Variants in AEBP2 observed in about 807,000 individuals in gnomAD.
The protein encoded by AEBP2 is AE binding protein 2.
In AEBP2, 10 loss-of-function variants were observed where a neutral mutation model predicts 50.8. That is an observed-to-expected ratio of 0.20 (90% CI 0.12 to 0.33). The LOEUF (loss-of-function observed/expected upper bound fraction) is 0.33. AEBP2 is among the 10% of genes least tolerant of loss of function. The pLI is 1.00. For synonymous variants in AEBP2, 296 were observed against 261.3 expected (o/e 1.13, Z -1.28); for missense variants, 570 against 688.0 (o/e 0.83, Z 1.92).
At chr12:19,516,071 C>T (rs1444240028) in intron 7 of AEBP2, among the ~76,000 whole-genome samples, 7 of 152,064 alleles carry the variant, frequency 4.6e-5, no homozygotes, top group Non-Finnish European at 8.8e-5. Context: ...GCTGACAGAG[C>T]GAGAACCTGT....
chr12:19,487,339 T>C (rs1948823792), intron 3 of AEBP2, among the ~76,000 whole-genome samples: 1 of 152,280 alleles, frequency 6.6e-6, no homozygotes, highest in Non-Finnish European at 1.5e-5. Context: ...TTAAGGTTAC[T>C]GTAGTTCAGT....
intron 3 of AEBP2, among the ~76,000 whole-genome samples, chr12:19,484,616 G>T (rs1238405235): frequency 6.6e-6 from 1 of 151,908 alleles, no homozygotes; most frequent in Non-Finnish European, 1.5e-5. Context: ...CTCGTGATCC[G>T]CCCGCCTTGG....
At chr12:19,457,118 C>A (rs748506079) in intron 1 of AEBP2, 59 of 1,599,984 alleles carry the variant, frequency 3.7e-5, no homozygotes, top group Non-Finnish European at 4.8e-5. Context: ...GTGTTGACTT[C>A]CTTAACAATT....
At chr12:19,508,632 T>G (rs142615599) in intron 5 of AEBP2, among the ~76,000 whole-genome samples, 1 of 152,222 alleles carries the variant, frequency 6.6e-6, no homozygotes, top group Non-Finnish European at 1.5e-5. Context: ...AAGGAAAATA[T>G]ATTGCTTTTC....
rs1947927431 is a variant in AEBP2 at position 19,440,272 on chromosome 12, T to G, written c.573T>G (p.Thr191=). The change falls in exon 1 of 8, where the codon ACT becomes ACG. Residue 191 remains threonine (T), a synonymous_variant. Coordinates refer to ENST00000266508, the MANE Select transcript of AEBP2 (RefSeq NM_153207.5). ...VSSGGDEGYG[T]GGGGSSATSG... ...GCGGCGGCGACGAGGGCTACGGGAC[T>G]GGGGGAGGCGGAAGCAGCGCGACCT... The G allele has an allele frequency of 3.4e-6, 5 of 1,464,030 alleles. No homozygotes were observed. The South Asian group carries it at 4.2e-5, about 12-fold the overall frequency. 90.7% of individuals were successfully genotyped at this position (1,464,030 alleles called of 1,614,324 possible).
intron 2 of AEBP2, among the ~76,000 whole-genome samples, chr12:19,470,974 G>A (rs954373878): frequency 4.6e-5 from 7 of 150,550 alleles, no homozygotes; most frequent in Admixed American, 3.3e-4. Flanking sequence ...AAGTAATTGC[G>A]TTTTTTTTCA....
At chr12:19,489,651 TC>T (rs1291186006) in intron 3 of AEBP2, among the ~76,000 whole-genome samples, 1 of 152,196 alleles carries the variant, frequency 6.6e-6, no homozygotes, top group Admixed American at 6.5e-5. Flanking sequence ...AAAACCATAC[TC>T]AGCAACATGA....
chr12:19,512,537 A>AATC lies in AEBP2; in HGVS notation c.1367+72_1367+73insATC, dbSNP rs528027928. 2.3e-4 allele frequency: 221 copies of AATC among 963,062 alleles called. 1 individual carries two copies. In the African/African-American group the frequency reaches 3.3e-3, roughly 14 times the overall value. The allele number at this position is 963,062 out of a possible 1,614,324, so 59.7% of individuals were successfully genotyped here. A position where few individuals can be genotyped will look rare whatever the true frequency, so the allele number is the denominator to read the frequency against. Reference sequence around the variant, plus strand: ...TTTTGTTAAAATCTTACACACAAAAATTATTTATTAAATTCAAATAAAAAG... The same window carrying AATC: ...TTTTGTTAAAATCTTACACACAAAAAATCTTATTTATTAAATTCAAATAAAAAG... On this transcript the variant is annotated intron_variant, in intron 6 of 7. Transcript: ENST00000266508.
chr12:19,407,467 T>A (rs2095736946), intron 1 of AEBP2, among the ~76,000 whole-genome samples: 1 of 151,844 alleles, frequency 6.6e-6, no homozygotes, highest in African/African-American at 2.4e-5. Flanking sequence ...CCATGCCCAG[T>A]TAATTTCTGT....
chr12:19,439,816 G>A lies in AEBP2; in HGVS notation c.117G>A (p.Glu39=). ...GCCGGGCTGAGCCCCCCGAGGAGGAGGAGGAAGAGGAGGAGGAGGAAGAGG... is the reference window on the plus strand; with the variant it reads ...GCCGGGCTGAGCCCCCCGAGGAGGAAGAGGAAGAGGAGGAGGAGGAAGAGG... The part of the protein sequence containing the change: ...ARGRAEPPEE[E]EEEEEEEEEA... The change falls in exon 1 of 8, where the codon GAG becomes GAA. Residue 39 remains glutamate (E), a synonymous_variant. Transcript: ENST00000266508. 2.7e-6 allele frequency: 4 copies of A among 1,508,114 alleles called. No individual in the cohort carries two copies. The highest frequency in any genetic ancestry group is 1.2e-5 in the South Asian group (1 of 82,396). The allele number at this position is 1,508,114 out of a possible 1,614,324, so 93.4% of individuals were successfully genotyped here.
In AEBP2 at chr12:19,502,120, T is replaced by C. The variant is rs528345656; in HGVS notation, c.1299+1899T>C. On this transcript the variant is annotated intron_variant, in intron 5 of 7. Transcript: ENST00000266508. ...TACTTACTTCCCAATTATATATGTT[T>C]TCCTGTTATTTGTACCTACTTTTTT... 1.8e-3 allele frequency among the ~76,000 whole-genome samples: 275 copies of C among 152,154 alleles called. 1 individual carries two copies. Among genetic ancestry groups the C allele is most frequent in the African/African-American group, 6.4e-3 (266 of 41,534 alleles).
intron 1 of AEBP2, among the ~76,000 whole-genome samples, chr12:19,408,279 G>A (rs1296000249): frequency 1.3e-5 from 2 of 151,982 alleles, no homozygotes; most frequent in African/African-American, 2.4e-5. Flanking sequence ...TTTCTTGGCC[G>A]GGTGTGCTGG....
At chr12:19,504,519 T>C (rs1265516561) in intron 5 of AEBP2, among the ~76,000 whole-genome samples, 1 of 152,020 alleles carries the variant, frequency 6.6e-6, no homozygotes. Context: ...GGATTACAGG[T>C]GTGAGCCACC....
intron 3 of AEBP2, among the ~76,000 whole-genome samples, chr12:19,480,874 G>A (rs754513391): frequency 1.3e-5 from 2 of 152,062 alleles, no homozygotes; most frequent in African/African-American, 4.8e-5. Flanking sequence ...TATTCACCTC[G>A]AGTAAGTTTT....
Position 19,460,372 on chromosome 12 carries a change from C to T in AEBP2, c.672-2138C>T, listed in dbSNP as rs556892406. Among the ~76,000 whole-genome samples, 13 of 152,148 alleles carry T rather than the reference C, an allele frequency of 8.5e-5. No individual in the cohort carries two copies. The South Asian group carries it at 2.7e-3, about 32-fold the overall frequency. On this transcript the variant is annotated intron_variant, in intron 1 of 7. Transcript: ENST00000266508. ...CTTTTTGTTTTTTGAGACAGAGTCTCGCTCTGTCGCCCAGGCTCGAGTGCA... is the reference window on the plus strand; with the variant it reads ...CTTTTTGTTTTTTGAGACAGAGTCTTGCTCTGTCGCCCAGGCTCGAGTGCA...
intron 1 of AEBP2, among the ~76,000 whole-genome samples, chr12:19,453,064 G>T (rs141086775): frequency 1.4e-3 from 210 of 150,466 alleles, no homozygotes; most frequent in Non-Finnish European, 2.3e-3. Flanking sequence ...CGCCTCCCAG[G>T]TTCACGCCAT....
intron 3 of AEBP2, among the ~76,000 whole-genome samples, chr12:19,478,277 T>G (rs1449330271): frequency 6.6e-6 from 1 of 152,208 alleles, no homozygotes; most frequent in African/African-American, 2.4e-5. Context: ...GACCTTAGAT[T>G]GCCTATTTGT....
Position 19,514,667 on chromosome 12 carries a change from A to G in AEBP2, c.1368-4A>G, listed in dbSNP as rs772110992. On this transcript the variant is annotated splice_region_variant and splice_polypyrimidine_tract_variant and intron_variant, in intron 6 of 7. Coordinates refer to ENST00000266508, the MANE Select transcript of AEBP2 (RefSeq NM_153207.5). ...TTATTATTGACTTGTTTTTTAATTC[A>G]TAGTCTGCCTGATGTGTGGGTGAAT... 9 of 1,586,304 alleles carry G rather than the reference A, an allele frequency of 5.7e-6. No individual in the cohort carries two copies. The highest frequency in any genetic ancestry group is 7.7e-6 in the Non-Finnish European group (9 of 1,165,894).
intron 1 of AEBP2, among the ~76,000 whole-genome samples, chr12:19,415,505 G>C (rs1748805851): frequency 6.6e-6 from 1 of 150,864 alleles, no homozygotes; most frequent in South Asian, 2.1e-4. Flanking sequence ...CTAAATGTGA[G>C]AAATGGGTTT....
Sources: allele counts gnomAD v4.1 joint callset (sites outside exome capture counted in the v4.1 genomes callset), GRCh38; gene constraint gnomAD v4.1.1; transcripts MANE v1.5; gene names NCBI Gene and HGNC (gene_info 2026-07-23, HGNC 2026-07-21).